RTN1: variants seen among roughly 807,000 people sequenced by gnomAD.
RTN1 encodes the protein reticulon-1.
Under a neutral mutation model 65.5 loss-of-function variants are expected in RTN1, and 25 were observed. That is an observed-to-expected ratio of 0.38 (90% CI 0.28 to 0.53). The LOEUF (loss-of-function observed/expected upper bound fraction) is 0.53, where lower values mean the gene tolerates loss of function less well. Ranked by LOEUF, RTN1 falls within the 20% of genes least tolerant of loss-of-function variation. The probability of loss-of-function intolerance (pLI) is 0.79; values close to 1 mark genes in which losing one functional copy is unlikely to be tolerated. For synonymous variants in RTN1, 471 were observed against 447.6 expected (o/e 1.05, Z -0.66); for missense variants, 983 against 1,025.4 (o/e 0.96, Z 0.57).
Position 59,596,689 on chromosome 14 carries a change from A to G in RTN1, c.*56T>C, listed in dbSNP as rs1248363136. On this transcript the variant is annotated 3_prime_UTR_variant, in exon 9 of 9. Transcript: ENST00000267484. The stretch of plus-strand genomic sequence containing the variant: ...AATTTGCAGTAATGAGTAAGAAGAG[A>G]GCTGTTACCACTCCAGACATTCCTG... 6.3e-6 allele frequency: 8 copies of G among 1,265,414 alleles called. No homozygotes were observed. The East Asian group carries it at 1.9e-4, about 29-fold the overall frequency. The allele number at this position is 1,265,414 out of a possible 1,614,324, so 78.4% of individuals were successfully genotyped here. A position where few individuals can be genotyped will look rare whatever the true frequency, so the allele number is the denominator to read the frequency against.
intron 1 of RTN1, among the ~76,000 whole-genome samples, chr14:59,793,480 G>A (rs1029758697): frequency 6.6e-6 from 1 of 151,946 alleles, no homozygotes; most frequent in Admixed American, 6.6e-5. Flanking sequence ...AAGAGCAATG[G>A]CAACAAAAAT....
chr14:59,737,783 A>G (rs1885030322), intron 2 of RTN1, among the ~76,000 whole-genome samples: 2 of 152,232 alleles, frequency 1.3e-5, no homozygotes, highest in Admixed American at 1.3e-4. Flanking sequence ...TACAGTAACC[A>G]GAACAGTATG....
intron 8 of RTN1, among the ~76,000 whole-genome samples, chr14:59,597,760 C>T (rs1239637644): frequency 1.3e-5 from 2 of 152,168 alleles, no homozygotes; most frequent in African/African-American, 2.4e-5. Flanking sequence ...ATCTGAGAAA[C>T]TGATCCTCAG....
intron 3 of RTN1, among the ~76,000 whole-genome samples, chr14:59,648,939 C>G (rs758441091): frequency 6.6e-6 from 1 of 152,162 alleles, no homozygotes; most frequent in Admixed American, 6.5e-5. Flanking sequence ...CTGGCCTTAG[C>G]ACTCAGGCAA....
At chr14:59,622,157 G>GA (rs1363223603) in intron 3 of RTN1, among the ~76,000 whole-genome samples, 2 of 152,114 alleles carry the variant, frequency 1.3e-5, no homozygotes, top group Non-Finnish European at 2.9e-5. Context: ...CCAACATGGT[G>GA]AAACCCTGTG....
chr14:59,808,783 C>G (rs894568590), intron 1 of RTN1, among the ~76,000 whole-genome samples: 1 of 151,976 alleles, frequency 6.6e-6, no homozygotes, highest in African/African-American at 2.4e-5. Context: ...TCTCATGCAA[C>G]CTGGTCATTT....
At chr14:59,761,989 G>A (rs548257242) in intron 1 of RTN1, among the ~76,000 whole-genome samples, 1 of 152,188 alleles carries the variant, frequency 6.6e-6, no homozygotes, top group Non-Finnish European at 1.5e-5. Flanking sequence ...ACACGACATG[G>A]CAGACAATGT....
intron 1 of RTN1, among the ~76,000 whole-genome samples, chr14:59,837,006 A>C (rs1887223264): frequency 6.6e-6 from 1 of 151,592 alleles, no homozygotes; most frequent in South Asian, 2.1e-4. Flanking sequence ...ATAATTTCCC[A>C]CACAGAAGAA....
At chr14:59,642,423 C>A (rs1167782105) in intron 3 of RTN1, among the ~76,000 whole-genome samples, 1 of 152,070 alleles carries the variant, frequency 6.6e-6, no homozygotes, top group Non-Finnish European at 1.5e-5. Context: ...TTTCTTTTCT[C>A]CTCTTCTATG....
chr14:59,736,930 T>C (rs922332829), intron 2 of RTN1, among the ~76,000 whole-genome samples: 3 of 152,184 alleles, frequency 2.0e-5, no homozygotes, highest in Non-Finnish European at 4.4e-5. Flanking sequence ...ATTATCTCAA[T>C]AGATGCAGAA....
chr14:59,814,361 A>G (rs1447012127), intron 1 of RTN1, among the ~76,000 whole-genome samples: 1 of 152,206 alleles, frequency 6.6e-6, no homozygotes, highest in Non-Finnish European at 1.5e-5. Context: ...AAAAAGCTCA[A>G]TTGATAGATA....
chr14:59,653,453 T>C (rs1350302034), intron 3 of RTN1, among the ~76,000 whole-genome samples: 4 of 152,140 alleles, frequency 2.6e-5, no homozygotes, highest in South Asian at 2.1e-4. Flanking sequence ...CTAAAATTCA[T>C]AGAAACAAAG....
At chr14:59,750,281 A>ATATTATATCTATAATATATT (rs1885452099) in intron 1 of RTN1, among the ~76,000 whole-genome samples, 19 of 30,000 alleles carry the variant, frequency 6.3e-4, no homozygotes, top group Non-Finnish European at 7.6e-4. Flanking sequence ...TATAATATAT[A>ATATTATATCTATAATATATT]ATATATATAA....
At chr14:59,630,891 A>G in intron 3 of RTN1, 5 of 971,488 alleles carry the variant, frequency 5.1e-6, no homozygotes, top group Non-Finnish European at 6.1e-6. Context: ...TGGGGGTGAG[A>G]GGAGGAGGAC....
chr14:59,656,550 C>A (rs1339749650), intron 3 of RTN1, among the ~76,000 whole-genome samples: 2 of 152,194 alleles, frequency 1.3e-5, no homozygotes, highest in Non-Finnish European at 2.9e-5. Context: ...ACAGAATCGA[C>A]AATCTAGAAT....
At chr14:59,768,148 T>C (rs1274456152) in intron 1 of RTN1, among the ~76,000 whole-genome samples, 1 of 152,232 alleles carries the variant, frequency 6.6e-6, no homozygotes, top group Non-Finnish European at 1.5e-5. Flanking sequence ...ATTGATATGA[T>C]TGAAATTGGG....
chr14:59,712,871 C>T (rs1884452714), intron 3 of RTN1, among the ~76,000 whole-genome samples: 1 of 148,806 alleles, frequency 6.7e-6, no homozygotes, highest in Non-Finnish European at 1.5e-5. Context: ...AAATCACTCC[C>T]ATTGCACTCC....
At chr14:59,702,538 C>T (rs1884201429) in intron 3 of RTN1, among the ~76,000 whole-genome samples, 1 of 152,208 alleles carries the variant, frequency 6.6e-6, no homozygotes, top group Admixed American at 6.6e-5. Flanking sequence ...AAACCCAAAA[C>T]TGTGGAGTCA....
chr14:59,720,736 AAATACTC>A (rs1884630243), intron 3 of RTN1, among the ~76,000 whole-genome samples: 2 of 151,850 alleles, frequency 1.3e-5, no homozygotes, highest in Middle Eastern at 3.4e-3. Context: ...AAAAAAAAAA[AAATACTC>A]TAAGGTGGAA....
Sources: gnomAD v4.1 joint callset for allele counts (sites outside exome capture counted in the v4.1 genomes callset) on GRCh38, gnomAD v4.1.1 for gene constraint, MANE v1.5 for transcripts, NCBI Gene and HGNC (gene_info 2026-07-23, HGNC 2026-07-21) for gene names.